Variants in MARCHF3 observed in about 807,000 individuals in gnomAD.
MARCHF3 encodes the protein membrane associated ring-CH-type finger 3.
MARCHF3 carries 13 observed loss-of-function variants against 24.2 expected under a neutral mutation model. The ratio of observed to expected loss-of-function variants is 0.54; its 90% CI spans 0.35 to 0.85. The LOEUF (loss-of-function observed/expected upper bound fraction) is 0.85. MARCHF3 is among the 40% of genes least tolerant of loss of function. MARCHF3 has a pLI of 0.01. For synonymous variants in MARCHF3, 144 were observed against 137.3 expected (o/e 1.05, Z -0.34); for missense variants, 276 against 325.0 (o/e 0.85, Z 1.16).
chr5:126,941,394 C>A (rs1269732373), intron 1 of MARCHF3, among the ~76,000 whole-genome samples: 1 of 151,614 alleles, frequency 6.6e-6, no homozygotes, highest in African/African-American at 2.4e-5. Flanking sequence ...TTATTGTATT[C>A]TCTAAAACTG....
chr5:126,909,505 C>G (rs1008965828), intron 3 of MARCHF3, among the ~76,000 whole-genome samples: 5 of 152,356 alleles, frequency 3.3e-5, no homozygotes. Flanking sequence ...GAGCCACGCA[C>G]AGGATATAAT....
intron 1 of MARCHF3, among the ~76,000 whole-genome samples, chr5:126,930,658 C>T (rs942116074): frequency 6.6e-6 from 1 of 152,242 alleles, no homozygotes; most frequent in South Asian, 2.1e-4. Context: ...CATTAACACT[C>T]GGGGCAAGCT....
At chr5:126,931,858 G>A (rs1037981246) in intron 1 of MARCHF3, among the ~76,000 whole-genome samples, 3 of 152,096 alleles carry the variant, frequency 2.0e-5, no homozygotes, top group Non-Finnish European at 2.9e-5. Flanking sequence ...AAAGCAAAGC[G>A]GGGGAAGGCT....
intron 3 of MARCHF3, among the ~76,000 whole-genome samples, chr5:126,897,045 A>ATTTTTTTTT (rs759577287): frequency 3.7e-4 from 43 of 116,450 alleles, no homozygotes; most frequent in Middle Eastern, 4.6e-3. Flanking sequence ...AAGTTTGAGA[A>ATTTTTTTTT]TTTTTTTTTT....
At chr5:126,902,650 T>C (rs1754147542) in intron 3 of MARCHF3, among the ~76,000 whole-genome samples, 1 of 152,090 alleles carries the variant, frequency 6.6e-6, no homozygotes, top group South Asian at 2.1e-4. Flanking sequence ...CTTCGGTTGG[T>C]GGTTTGCTTT....
rs76941569 is a variant in MARCHF3, at chr5:126,974,517, C to T, written c.-57+55833G>A. On this transcript the variant is annotated intron_variant, in intron 1 of 4. Coordinates refer to ENST00000308660, the MANE Select transcript of MARCHF3 (RefSeq NM_178450.5). ...GAAAAAAAAGTAACCTTTCCTGATA[C>T]TCTTGCCCTTGTATTTTGTTCAAAA... Among the ~76,000 whole-genome samples, 492 of 152,348 alleles carry T rather than the reference C, an allele frequency of 3.2e-3. 3 individuals are homozygous for T. Among genetic ancestry groups the T allele is most frequent in the Non-Finnish European group, 5.2e-3 (353 of 68,024 alleles).
Position 126,870,726 on chromosome 5 carries a change from G to C in MARCHF3, c.669C>G (p.Leu223=), listed in dbSNP as rs768510850. The change falls in exon 5 of 5, where the codon CTC becomes CTG. Residue 223 remains leucine (L), a synonymous_variant. Transcript: ENST00000308660. Reference sequence around the variant, plus strand: ...GTACATTGACAGACTTTGGAATGAGGAGAATCACCCTCTGATTGGTCCGAC... The same window carrying C: ...GTACATTGACAGACTTTGGAATGAGCAGAATCACCCTCTGATTGGTCCGAC... ...EWRRTNQRVI[L]LIPKSVNVPS... is the part of the protein sequence containing the mutation. 1.2e-6 allele frequency: 2 copies of C among 1,614,220 alleles called. No homozygotes were observed. The highest frequency in any genetic ancestry group is 1.3e-5 in the African/African-American group (1 of 75,056).
At chr5:126,921,467 C>T (rs770842986) in intron 1 of MARCHF3, among the ~76,000 whole-genome samples, 21 of 152,026 alleles carry the variant, frequency 1.4e-4, no homozygotes, top group Non-Finnish European at 2.6e-4. Context: ...GCATATGTTG[C>T]ACCTGGGGCA....
At chr5:126,972,563 T>A (rs1163926022) in intron 1 of MARCHF3, among the ~76,000 whole-genome samples, 2 of 152,186 alleles carry the variant, frequency 1.3e-5, no homozygotes, top group South Asian at 2.1e-4. Context: ...CCATTCAACA[T>A]GAAAGGTGTT....
intron 1 of MARCHF3, among the ~76,000 whole-genome samples, chr5:126,953,670 A>T (rs1186060942): frequency 6.6e-6 from 1 of 152,202 alleles, no homozygotes; most frequent in Non-Finnish European, 1.5e-5. Context: ...TCTGAATACT[A>T]TTAGCATCAC....
At chr5:126,911,636 T>C (rs1034805854) in intron 3 of MARCHF3, among the ~76,000 whole-genome samples, 1 of 152,226 alleles carries the variant, frequency 6.6e-6, no homozygotes, top group Non-Finnish European at 1.5e-5. Flanking sequence ...GGGTTGAAAC[T>C]AGCTCTTGTT....
Sources: allele counts gnomAD v4.1 joint callset (sites outside exome capture counted in the v4.1 genomes callset), GRCh38; gene constraint gnomAD v4.1.1; transcripts MANE v1.5; gene names NCBI Gene and HGNC (gene_info 2026-07-23, HGNC 2026-07-21).